The following NRXN3 variants were observed in gnomAD, a reference collection of about 807,000 sequenced individuals.
NRXN3 encodes neurexin III.
A neutral mutation model predicts 137.6 loss-of-function variants in NRXN3; 32 were observed. The observed-to-expected ratio is 0.23, with a 90% CI of 0.18 to 0.31. The LOEUF (loss-of-function observed/expected upper bound fraction) is 0.31, where lower values mean the gene tolerates loss of function less well. Ranked by LOEUF, NRXN3 falls within the 10% of genes least tolerant of loss-of-function variation. NRXN3 has a pLI of 1.00. For missense variants in NRXN3, 1,574 were observed against 2,062.5 expected (o/e 0.76, Z 4.59); for synonymous variants, 798 against 784.5 (o/e 1.02, Z -0.29).
chr14:79,769,608 G>C (rs952747546), intron 19 of NRXN3, among the ~76,000 whole-genome samples: 16 of 151,654 alleles, frequency 1.1e-4, no homozygotes, highest in African/African-American at 3.9e-4. Flanking sequence ...TGCCCTATAA[G>C]AGCTCCTGAA....
At chr14:79,565,606 G>A (rs2097544060) in intron 16 of NRXN3, among the ~76,000 whole-genome samples, 1 of 151,724 alleles carries the variant, frequency 6.6e-6, no homozygotes, top group African/African-American at 2.4e-5. Flanking sequence ...TCAGTAGGGT[G>A]GTGGAAATTA....
chr14:78,552,689 G>A (rs8014908), intron 4 of NRXN3, among the ~76,000 whole-genome samples: 35,778 of 151,958 alleles, frequency 0.24, 4,502 homozygotes, highest in Middle Eastern at 0.31. Flanking sequence ...AAATAAATAA[G>A]TAGTAATTAG....
chr14:79,041,771 A>T (rs543314637), intron 15 of NRXN3, among the ~76,000 whole-genome samples: 68 of 152,312 alleles, frequency 4.5e-4, no homozygotes, highest in African/African-American at 1.6e-3. Flanking sequence ...CAACTTCACA[A>T]TGCAAAGGTG....
chr14:79,741,107 C>T (rs563925399), intron 19 of NRXN3, among the ~76,000 whole-genome samples: 66 of 152,032 alleles, frequency 4.3e-4, no homozygotes, highest in Middle Eastern at 6.8e-3. Flanking sequence ...ATTTAATTGA[C>T]GTATCTTCTT....
At chr14:79,109,313 G>T (rs1284865109) in intron 15 of NRXN3, among the ~76,000 whole-genome samples, 1 of 152,046 alleles carries the variant, frequency 6.6e-6, no homozygotes, top group East Asian at 1.9e-4. Flanking sequence ...TAAGTTTGAT[G>T]ATTCACTAAT....
chr14:78,688,113 G>T (rs2098139147), intron 6 of NRXN3, among the ~76,000 whole-genome samples: 1 of 152,052 alleles, frequency 6.6e-6, no homozygotes, highest in African/African-American at 2.4e-5. Context: ...AAAATCTAGG[G>T]GTAGAGAAAT....
intron 4 of NRXN3, among the ~76,000 whole-genome samples, chr14:78,367,384 A>C (rs1256302097): frequency 6.6e-6 from 1 of 152,108 alleles, no homozygotes; most frequent in Non-Finnish European, 1.5e-5. Flanking sequence ...AAATTAAAAA[A>C]TCAATCAATC....
chr14:79,553,989 T>C (rs1234376021), intron 16 of NRXN3, among the ~76,000 whole-genome samples: 1 of 152,172 alleles, frequency 6.6e-6, no homozygotes, highest in African/African-American at 2.4e-5. Flanking sequence ...ATCTATATCA[T>C]AGCTGAAAGC....
intron 4 of NRXN3, among the ~76,000 whole-genome samples, chr14:78,344,141 G>A (rs541407281): frequency 2.6e-5 from 4 of 152,138 alleles, no homozygotes; most frequent in East Asian, 3.9e-4. Flanking sequence ...GCTAGCCCTC[G>A]GAATGAAGCC....
chr14:79,857,087 T>A (rs1257900127), intron 20 of NRXN3, among the ~76,000 whole-genome samples: 1 of 152,192 alleles, frequency 6.6e-6, no homozygotes, highest in Non-Finnish European at 1.5e-5. Flanking sequence ...ATGGGACACA[T>A]AGTTGATCAC....
At chr14:78,248,182 T>G (rs1282202941) in intron 2 of NRXN3, among the ~76,000 whole-genome samples, 1 of 152,132 alleles carries the variant, frequency 6.6e-6, no homozygotes, top group South Asian at 2.1e-4. Context: ...TTAGCTGTTA[T>G]GTTTTCAAGT....
At chr14:78,555,802 G>A (rs964986142) in intron 4 of NRXN3, among the ~76,000 whole-genome samples, 1 of 152,192 alleles carries the variant, frequency 6.6e-6, no homozygotes, top group African/African-American at 2.4e-5. Context: ...TATTTCCAAC[G>A]TTGTGCCAAG....
At chr14:78,550,477 A>G (rs968809258) in intron 4 of NRXN3, among the ~76,000 whole-genome samples, 28 of 152,244 alleles carry the variant, frequency 1.8e-4, no homozygotes, top group African/African-American at 6.3e-4. Flanking sequence ...TTATTAGTAA[A>G]GTTCAAATGA....
intron 4 of NRXN3, among the ~76,000 whole-genome samples, chr14:78,478,945 C>A (rs954111883): frequency 1.3e-5 from 2 of 152,062 alleles, no homozygotes; most frequent in African/African-American, 2.4e-5. Flanking sequence ...AAGCTCTATG[C>A]AGAGATGTGT....
intron 10 of NRXN3, among the ~76,000 whole-genome samples, chr14:78,931,129 A>G (rs1398327472): frequency 6.6e-6 from 1 of 152,186 alleles, no homozygotes; most frequent in Non-Finnish European, 1.5e-5. Flanking sequence ...TTGATTCACA[A>G]CATGAATTTT....
intron 19 of NRXN3, among the ~76,000 whole-genome samples, chr14:79,764,165 TGG>T (rs34360658): frequency 4.2e-5 from 2 of 47,932 alleles, no homozygotes; most frequent in Admixed American, 2.4e-4. Flanking sequence ...TTTTGGTGGG[TGG>T]GGGGGGTGTT....
chr14:78,194,743 G>C (rs960049466), intron 1 of NRXN3, among the ~76,000 whole-genome samples: 1 of 152,220 alleles, frequency 6.6e-6, no homozygotes, highest in Non-Finnish European at 1.5e-5. Context: ...TTGCAGAGGA[G>C]AGAAGGATGA....
intron 14 of NRXN3, among the ~76,000 whole-genome samples, chr14:78,976,355 C>A (rs546995545): frequency 6.6e-6 from 1 of 152,170 alleles, no homozygotes; most frequent in South Asian, 2.1e-4. Context: ...AACACGTGGT[C>A]AGGGGATCCA....
chr14:78,347,587 C>A (rs184132956), intron 4 of NRXN3, among the ~76,000 whole-genome samples: 3 of 152,262 alleles, frequency 2.0e-5, no homozygotes, highest in Non-Finnish European at 4.4e-5. Flanking sequence ...GACATGCATC[C>A]CTGCTTGAGG....
Sources: allele counts gnomAD v4.1 joint callset (sites outside exome capture counted in the v4.1 genomes callset), GRCh38; gene constraint gnomAD v4.1.1; transcripts MANE v1.5; gene names NCBI Gene and HGNC (gene_info 2026-07-23, HGNC 2026-07-21).